CCDC166: variants seen among roughly 807,000 people sequenced by gnomAD.
CCDC166 encodes coiled-coil domain-containing protein 166.
Under a neutral mutation model 14.4 loss-of-function variants are expected in CCDC166, and 17 were observed. The ratio of observed to expected loss-of-function variants is 1.18; its 90% CI spans 0.81 to 1.77. The LOEUF is 1.77. Among genes scored for constraint, CCDC166 ranks in the 40% most tolerant of loss-of-function variants. The pLI, the probability that CCDC166 is intolerant of heterozygous loss-of-function variation, is 0.00. For missense variants in CCDC166, 738 were observed against 665.8 expected, an observed-to-expected ratio of 1.11 and a Z score of -1.19; for synonymous variants, 336 against 330.1, an observed-to-expected ratio of 1.02 and a Z score of -0.20.
At position 143,706,882 on chromosome 8, in the gene CCDC166, C is replaced by T. The variant is rs1459595811; in HGVS notation, c.1132G>A (p.Glu378Lys). Reference protein sequence around the residue: ...SRALSLVQSLEGSGISSGSSP... With the variant: ...SRALSLVQSLKGSGISSGSSP... ...GACCCCGAAGAGATCCCAGAGCCCT[C>T]GAGTGACTGCACCAGCGACAGGGCC... The change falls in exon 2 of 2, where the codon GAG becomes AAG. Residue 378 changes from glutamate (E) to lysine (K), a missense_variant. Physicochemically the swap from Glu to Lys is moderately conservative, Grantham distance 56. Coordinates refer to ENST00000542437, the MANE Select transcript of CCDC166 (RefSeq NM_001162914.1). 3.2e-6 allele frequency: 5 copies of T among 1,550,458 alleles called. No homozygotes were observed. The highest frequency in any genetic ancestry group is 3.5e-6 in the Non-Finnish European group (4 of 1,146,788).
chr8:143,707,389 C>G lies in CCDC166; in HGVS notation c.625G>C (p.Ala209Pro). Residue 209 changes from alanine (A) to proline (P), a missense_variant, in exon 2 of 2, where the codon GCG becomes CCG. Coordinates refer to ENST00000542437, the MANE Select transcript of CCDC166 (RefSeq NM_001162914.1). The surrounding 1 kb of genome is among the most constrained non-coding windows in gnomAD (Gnocchi z 8.0). Reference sequence around the variant, plus strand: ...GTGTGCGCCACAAGCGCGCGCACCGCCTCCCGCTCCGCGCGCCGCGCCAGT... The same window carrying G: ...GTGTGCGCCACAAGCGCGCGCACCGGCTCCCGCTCCGCGCGCCGCGCCAGT... ...QSLARRAERE[A>P]VRALVAHTQA... 7.0e-7 allele frequency: 1 copy of G among 1,421,644 alleles called. No homozygotes were observed. The highest frequency in any genetic ancestry group is 9.1e-7 in the Non-Finnish European group (1 of 1,096,094). The allele number at this position is 1,421,644 out of a possible 1,614,324, so 88.1% of individuals were successfully genotyped here. A position where few individuals can be genotyped will look rare whatever the true frequency, so the allele number is the denominator to read the frequency against.
rs1554616682 is a variant in CCDC166 at position 143,707,044 on chromosome 8, A to T, written c.970T>A (p.Ser324Thr). Residue 324 changes from serine to threonine, a missense_variant, in exon 2 of 2, where the codon TCC (serine) becomes ACC (threonine). Transcript: ENST00000542437. The surrounding 1 kb of genome is among the most constrained non-coding windows in gnomAD (Gnocchi z 8.0). ...VPSRAAPRASSVVPSREASRV... is the reference protein window; with the variant it reads ...VPSRAAPRASTVVPSREASRV... The stretch of plus-strand genomic sequence containing the variant: ...GAAGCCTCGCGCGACGGGACCACGG[A>T]CGAGGCCCGGGGGGCCGCGCGCGAC... 1 of 1,534,436 alleles carries T rather than the reference A, an allele frequency of 6.5e-7. No homozygotes were observed. Among genetic ancestry groups the T allele is most frequent in the Non-Finnish European group, 8.7e-7 (1 of 1,146,270 alleles).
In CCDC166 at chr8:143,707,471, C is replaced by T; in HGVS notation, c.543G>A (p.Arg181=). The T allele has an allele frequency of 1.4e-6, 2 of 1,474,612 alleles. No individual in the cohort carries two copies. The highest frequency in any genetic ancestry group is 2.5e-5 in the Admixed American group (1 of 40,474). 91.3% of individuals were successfully genotyped at this position (1,474,612 alleles called of 1,614,324 possible). The change falls in exon 2 of 2, where the codon CGG becomes CGA. Residue 181 remains arginine (R), a synonymous_variant. Coordinates refer to ENST00000542437, the MANE Select transcript of CCDC166 (RefSeq NM_001162914.1). This position sits in a 1 kb window ranked among gnomAD's most constrained non-coding sequence, Gnocchi z 8.0. ...EHTQLLHRVK[R]RFLEDKAAFE... is the part of the protein sequence containing the mutation. ...AGGCCGCCTTGTCCTCCAGGAAGCG[C>T]CGCTTCACGCGGTGGAGCAGCTGCG...
At position 143,707,436 on chromosome 8, in the gene CCDC166, T is replaced by A. The variant is rs1554616809; in HGVS notation, c.578A>T (p.Glu193Val). Residue 193 changes from glutamate to valine, a missense_variant, in exon 2 of 2, where the codon GAG becomes GTG. Coordinates refer to ENST00000542437, the MANE Select transcript of CCDC166 (RefSeq NM_001162914.1). The surrounding 1 kb of genome is among the most constrained non-coding windows in gnomAD (Gnocchi z 8.0). ...CAGTGACTGCACGCGCTGACGCGCCTCGCGCTCGAAGGCCGCCTTGTCCTC... is the reference window on the plus strand; with the variant it reads ...CAGTGACTGCACGCGCTGACGCGCCACGCGCTCGAAGGCCGCCTTGTCCTC... ...FLEDKAAFER[E>V]ARQRVQSLAR... 2 of 1,475,700 alleles carry A rather than the reference T, an allele frequency of 1.4e-6. No homozygotes were observed. Among genetic ancestry groups the A allele is most frequent in the Non-Finnish European group, 1.8e-6 (2 of 1,121,144 alleles). 91.4% of individuals were successfully genotyped at this position (1,475,700 alleles called of 1,614,324 possible).
At position 143,707,454 on chromosome 8, in the gene CCDC166, T is replaced by C. The variant is rs75368383; in HGVS notation, c.560A>G (p.Lys187Arg). The C allele has an allele frequency of 0.068, 100,757 of 1,476,128 alleles. 4,262 individuals are homozygous for C. The highest frequency in any genetic ancestry group is 0.2 in the African/African-American group (13,452 of 67,718). The allele number at this position is 1,476,128 out of a possible 1,614,324, so 91.4% of individuals were successfully genotyped here. ...HRVKRRFLED[K>R]AAFEREARQR... is the part of the protein sequence containing the mutation. ...ACGCGCCTCGCGCTCGAAGGCCGCCTTGTCCTCCAGGAAGCGCCGCTTCAC... is the reference window on the plus strand; with the variant it reads ...ACGCGCCTCGCGCTCGAAGGCCGCCCTGTCCTCCAGGAAGCGCCGCTTCAC... The change falls in exon 2 of 2, where the codon AAG becomes AGG. Residue 187 changes from lysine (K) to arginine (R), a missense_variant. Lys to Arg is a conservative substitution (Grantham distance 26). Transcript: ENST00000542437. The surrounding 1 kb of genome is among the most constrained non-coding windows in gnomAD (Gnocchi z 8.0).
rs1176631497 is a variant in CCDC166, at chr8:143,707,554, G to C, written c.460C>G (p.Gln154Glu). 6 of 1,343,780 alleles carry C rather than the reference G, an allele frequency of 4.5e-6. No homozygotes were observed. Among genetic ancestry groups the C allele is most frequent in the Non-Finnish European group, 5.7e-6 (6 of 1,051,222 alleles). 83.2% of individuals were successfully genotyped at this position (1,343,780 alleles called of 1,614,324 possible). A position where few individuals can be genotyped will look rare whatever the true frequency, so the allele number is the denominator to read the frequency against. Residue 154 changes from glutamine to glutamate, a missense_variant, in exon 2 of 2, where the codon CAG becomes GAG. Physicochemically the swap from Gln to Glu is conservative, Grantham distance 29 (BLOSUM62 2). Coordinates refer to ENST00000542437, the MANE Select transcript of CCDC166 (RefSeq NM_001162914.1). This position sits in a 1 kb window ranked among gnomAD's most constrained non-coding sequence, Gnocchi z 8.0. ...TCCAGCGCCCGGATCCGGGCCAGCT[G>C]CTCCAGCTGCAGCACCTGCGGCGGG... is the stretch of plus-strand genomic sequence containing the variant. Reference protein sequence around the residue: ...LQPYKVLQLEQLARIRALERE... With the variant: ...LQPYKVLQLEELARIRALERE...
In CCDC166 at chr8:143,708,054, G is replaced by T; in HGVS notation, c.56C>A (p.Ala19Glu). Reference protein sequence around the residue: ...PSAGSQPGGAAAAGAEQPLSE... With the variant: ...PSAGSQPGGAEAAGAEQPLSE... Reference sequence around the variant, plus strand: ...TAGCGGCTGCTCGGCACCCGCGGCCGCCGCACCACCTGGCTGGCTCCCTGC... The same window carrying T: ...TAGCGGCTGCTCGGCACCCGCGGCCTCCGCACCACCTGGCTGGCTCCCTGC... Residue 19 changes from alanine to glutamate, a missense_variant, in exon 1 of 2, where the codon GCG becomes GAG. By Grantham distance (107) the Ala-to-Glu change is moderately radical. Coordinates refer to ENST00000542437, the MANE Select transcript of CCDC166 (RefSeq NM_001162914.1). The T allele has an allele frequency of 1.3e-6, 2 of 1,485,884 alleles. No individual in the cohort carries two copies. The highest frequency in any genetic ancestry group is 9.0e-7 in the Non-Finnish European group (1 of 1,117,292). 92.0% of individuals were successfully genotyped at this position (1,485,884 alleles called of 1,614,324 possible).
rs1461259267 is a variant in CCDC166 at position 143,707,188 on chromosome 8, G to C, written c.826C>G (p.Pro276Ala). The change falls in exon 2 of 2, where the codon CCC becomes GCC. Residue 276 changes from proline to alanine, a missense_variant. Transcript: ENST00000542437. This position sits in a 1 kb window ranked among gnomAD's most constrained non-coding sequence, Gnocchi z 8.0. ...ARVHGWLRRG[P>A]GGPPLWERPA... ...CGCTCCCAGAGCGGCGGGCCTCCGG[G>C]GCCCCTGCGCAGCCAGCCGTGCACA... is the stretch of plus-strand genomic sequence containing the variant. 125 of 1,386,884 alleles carry C rather than the reference G, an allele frequency of 9.0e-5. 1 individual carries two copies. The African/African-American group carries it at 1.1e-3, about 12-fold the overall frequency. The allele number at this position is 1,386,884 out of a possible 1,614,324, so 85.9% of individuals were successfully genotyped here. A position where few individuals can be genotyped will look rare whatever the true frequency, so the allele number is the denominator to read the frequency against.
rs1554616571 is a variant in CCDC166, at chr8:143,706,733, GT to G, written c.1280del (p.Asn427ThrfsTer?). 6.5e-7 allele frequency: 1 copy of G among 1,549,434 alleles called. No homozygotes were observed. The highest frequency in any genetic ancestry group is 8.7e-7 in the Non-Finnish European group (1 of 1,146,076). On this transcript the variant is annotated frameshift_variant, in exon 2 of 2. Transcript: ENST00000542437. LOFTEE classifies it low-confidence loss of function (END_TRUNC). ...GGGAGGCTTCTGCCGCAGCTTCAGC[GT>G]TCACGCTGTCCTCCGACTGTGGGGG... Reference protein sequence around the residue: ...LLPPQSEDSVNAEAAAEASPG... With the variant: ...LLPPQSEDSVXAEAAAEASPG...
In CCDC166 at chr8:143,707,081, C is replaced by G. The variant is rs1554616704; in HGVS notation, c.933G>C (p.Pro311=). 1.3e-6 allele frequency: 2 copies of G among 1,530,220 alleles called. No homozygotes were observed. Among genetic ancestry groups the G allele is most frequent in the Non-Finnish European group, 1.7e-6 (2 of 1,144,650 alleles). 94.8% of individuals were successfully genotyped at this position (1,530,220 alleles called of 1,614,324 possible). A position where few individuals can be genotyped will look rare whatever the true frequency, so the allele number is the denominator to read the frequency against. ...ISPSRAASQT[P]SVVPSRAAPR... ...GGGCCGCGCGCGACGGTACCACAGACGGGGTCTGGGAGGCCGCGCGCGACG... is the reference window on the plus strand; with the variant it reads ...GGGCCGCGCGCGACGGTACCACAGAGGGGGTCTGGGAGGCCGCGCGCGACG... The change falls in exon 2 of 2, where the codon CCG becomes CCC. Residue 311 remains proline, a synonymous_variant. Transcript: ENST00000542437. This position sits in a 1 kb window ranked among gnomAD's most constrained non-coding sequence, Gnocchi z 8.0.
rs2131557361 is a variant in CCDC166 at position 143,707,252 on chromosome 8, T to C, written c.762A>G (p.Gln254=). ...TRRQLLEQRE[Q]LHREHEDTRD... ...GCGTGTCCTCGTGCTCGCGGTGCAG[T>C]TGCTCGCGCTGTTCCAGCAGCTGGC... is the stretch of plus-strand genomic sequence containing the variant. The change falls in exon 2 of 2, where the codon CAA becomes CAG. Residue 254 remains glutamine (Q), a synonymous_variant. Transcript: ENST00000542437. This position sits in a 1 kb window ranked among gnomAD's most constrained non-coding sequence, Gnocchi z 8.0. The C allele has an allele frequency of 2.1e-6, 3 of 1,446,120 alleles. No homozygotes were observed. Among genetic ancestry groups the C allele is most frequent in the East Asian group, 3.0e-5 (1 of 33,774 alleles). The allele number at this position is 1,446,120 out of a possible 1,614,324, so 89.6% of individuals were successfully genotyped here. A position where few individuals can be genotyped will look rare whatever the true frequency, so the allele number is the denominator to read the frequency against.
rs1554616790 is a variant in CCDC166, at chr8:143,707,370, G to A, written c.644C>T (p.Ala215Val). 4.3e-6 allele frequency: 6 copies of A among 1,405,404 alleles called. No individual in the cohort carries two copies. The highest frequency in any genetic ancestry group is 1.5e-5 in the South Asian group (1 of 66,624). 87.1% of individuals were successfully genotyped at this position (1,405,404 alleles called of 1,614,324 possible). The change falls in exon 2 of 2, where the codon GCG becomes GTG. Residue 215 changes from alanine (A) to valine (V), a missense_variant. By Grantham distance (64) the Ala-to-Val change is moderately conservative. Transcript: ENST00000542437. This position sits in a 1 kb window ranked among gnomAD's most constrained non-coding sequence, Gnocchi z 8.0. The stretch of plus-strand genomic sequence containing the variant: ...GTCCGCTTTGATGGCCTGCGTGTGC[G>A]CCACAAGCGCGCGCACCGCCTCCCG... ...AEREAVRALV[A>V]HTQAIKADNG...
chr8:143,707,573 C>A lies in CCDC166; in HGVS notation c.445-4G>T. 12 of 1,328,116 alleles carry A rather than the reference C, an allele frequency of 9.0e-6. No individual in the cohort carries two copies. Among genetic ancestry groups the A allele is most frequent in the Non-Finnish European group, 1.2e-5 (12 of 1,042,510 alleles). 82.3% of individuals were successfully genotyped at this position (1,328,116 alleles called of 1,614,324 possible). ...CCAGCTGCTCCAGCTGCAGCACCTG[C>A]GGCGGGGGCGCCGTCAGCTCACCCC... On this transcript the variant is annotated splice_region_variant and splice_polypyrimidine_tract_variant and intron_variant, in intron 1 of 1. Coordinates refer to ENST00000542437, the MANE Select transcript of CCDC166 (RefSeq NM_001162914.1). The surrounding 1 kb of genome is among the most constrained non-coding windows in gnomAD (Gnocchi z 8.0).
chr8:143,707,428 G>C lies in CCDC166; in HGVS notation c.586C>G (p.Gln196Glu). Residue 196 changes from glutamine to glutamate, a missense_variant, in exon 2 of 2, where the codon CAG becomes GAG. Transcript: ENST00000542437. The surrounding 1 kb of genome is among the most constrained non-coding windows in gnomAD (Gnocchi z 8.0). ...CGCCGCGCCAGTGACTGCACGCGCT[G>C]ACGCGCCTCGCGCTCGAAGGCCGCC... ...DKAAFEREAR[Q>E]RVQSLARRAE... The C allele has an allele frequency of 6.8e-7, 1 of 1,474,366 alleles. No individual in the cohort carries two copies. The highest frequency in any genetic ancestry group is 1.3e-5 in the South Asian group (1 of 77,528). The allele number at this position is 1,474,366 out of a possible 1,614,324, so 91.3% of individuals were successfully genotyped here.
At position 143,707,026 on chromosome 8, in the gene CCDC166, C is replaced by T. The variant is rs1554616678; in HGVS notation, c.988G>A (p.Glu330Lys). ...PRASSVVPSREASRVPSLVLS... is the reference protein window; with the variant it reads ...PRASSVVPSRKASRVPSLVLS... ...ACCAACGAGGGGACCCGGGAAGCCTCGCGCGACGGGACCACGGACGAGGCC... is the reference window on the plus strand; with the variant it reads ...ACCAACGAGGGGACCCGGGAAGCCTTGCGCGACGGGACCACGGACGAGGCC... Residue 330 changes from glutamate to lysine, a missense_variant, in exon 2 of 2, where the codon GAG becomes AAG. Transcript: ENST00000542437. The surrounding 1 kb of genome is among the most constrained non-coding windows in gnomAD (Gnocchi z 8.0). 5 of 1,536,322 alleles carry T rather than the reference C, an allele frequency of 3.3e-6. No individual in the cohort carries two copies. Among genetic ancestry groups the T allele is most frequent in the Non-Finnish European group, 4.4e-6 (5 of 1,146,744 alleles).
At position 143,706,792 on chromosome 8, in the gene CCDC166, C is replaced by G; in HGVS notation, c.1222G>C (p.Gly408Arg). Residue 408 changes from glycine to arginine, a missense_variant, in exon 2 of 2, where the codon GGC becomes CGC. Gly to Arg is a moderately radical substitution (Grantham distance 125). Coordinates refer to ENST00000542437, the MANE Select transcript of CCDC166 (RefSeq NM_001162914.1). ...GCCGGATCCCGATCCCGGGACAGGCCAGAGAGAAGCTTGGGGCCAGACTTC... is the reference window on the plus strand; with the variant it reads ...GCCGGATCCCGATCCCGGGACAGGCGAGAGAGAAGCTTGGGGCCAGACTTC... ...STKSGPKLLS[G>R]LSRDRDPALL... 1 of 1,551,068 alleles carries G rather than the reference C, an allele frequency of 6.4e-7. No individual in the cohort carries two copies. Among genetic ancestry groups the G allele is most frequent in the Non-Finnish European group, 8.7e-7 (1 of 1,146,968 alleles).
rs1554616636 is a variant in CCDC166 at position 143,706,918 on chromosome 8, C to T, written c.1096G>A (p.Ala366Thr). 8.4e-6 allele frequency: 13 copies of T among 1,549,696 alleles called. No individual in the cohort carries two copies. Among genetic ancestry groups the T allele is most frequent in the Admixed American group, 2.0e-5 (1 of 51,000 alleles). The change falls in exon 2 of 2, where the codon GCA (alanine) becomes ACA (threonine). Residue 366 changes from alanine (A) to threonine (T), a missense_variant. Ala to Thr is a moderately conservative substitution (Grantham distance 58). Coordinates refer to ENST00000542437, the MANE Select transcript of CCDC166 (RefSeq NM_001162914.1). Reference protein sequence around the residue: ...SRMPSLTASRAGSRALSLVQS... With the variant: ...SRMPSLTASRTGSRALSLVQS... ...ACCAGCGACAGGGCCCGGGAGCCTG[C>T]GCGCGAAGCGGTCAGGGATGGCATC...
At position 143,707,374 on chromosome 8, in the gene CCDC166, C is replaced by G; in HGVS notation, c.640G>C (p.Val214Leu). 7.1e-7 allele frequency: 1 copy of G among 1,411,824 alleles called. No individual in the cohort carries two copies. The highest frequency in any genetic ancestry group is 9.2e-7 in the Non-Finnish European group (1 of 1,090,406). 87.5% of individuals were successfully genotyped at this position (1,411,824 alleles called of 1,614,324 possible). ...GCTTTGATGGCCTGCGTGTGCGCCA[C>G]AAGCGCGCGCACCGCCTCCCGCTCC... is the stretch of plus-strand genomic sequence containing the variant. Reference protein sequence around the residue: ...RAEREAVRALVAHTQAIKADN... With the variant: ...RAEREAVRALLAHTQAIKADN... The change falls in exon 2 of 2, where the codon GTG becomes CTG. Residue 214 changes from valine (V) to leucine (L), a missense_variant. Physicochemically the swap from Val to Leu is conservative, Grantham distance 32. Transcript: ENST00000542437. This position sits in a 1 kb window ranked among gnomAD's most constrained non-coding sequence, Gnocchi z 8.0.
In CCDC166 at chr8:143,707,858, G is replaced by GGC. The variant is rs781837594; in HGVS notation, c.250_251dup (p.Gln85ProfsTer19). On this transcript the variant is annotated frameshift_variant, in exon 1 of 2. Transcript: ENST00000542437. LOFTEE classifies it high-confidence loss of function. This position sits in a 1 kb window ranked among gnomAD's most constrained non-coding sequence, Gnocchi z 8.0. Reference sequence around the variant, plus strand: ...GGACGATGGCTTTGGCGCAGCGCTGGGCGCGCGCGCTCACGTAGCTGGCGT... The same window carrying GGC: ...GGACGATGGCTTTGGCGCAGCGCTGGGCGCGCGCGCGCTCACGTAGCTGGCGT... 1.6e-5 allele frequency: 25 copies of GGC among 1,537,902 alleles called. No homozygotes were observed. Among genetic ancestry groups the GGC allele is most frequent in the Non-Finnish European group, 7.9e-6 (9 of 1,145,996 alleles).
Sources: allele counts gnomAD v4.1 joint callset, GRCh38; gene constraint gnomAD v4.1.1; non-coding constraint Gnocchi (gnomAD v3.1); transcripts MANE v1.5; gene names NCBI Gene and HGNC (gene_info 2026-07-23, HGNC 2026-07-21).